The following RABGAP1 variants were observed in gnomAD, a reference collection of about 807,000 sequenced individuals.
The protein encoded by RABGAP1 is RAB GTPase activating protein 1, also known as rab GTPase-activating protein 1.
In RABGAP1, 23 loss-of-function variants were observed where a neutral mutation model predicts 137.6. The ratio of observed to expected loss-of-function variants is 0.17; its 90% CI spans 0.12 to 0.24. The LOEUF (loss-of-function observed/expected upper bound fraction) is 0.24. Among genes scored for constraint, RABGAP1 ranks in the 10% least tolerant of loss-of-function variants. RABGAP1 has a pLI of 1.00. For synonymous variants in RABGAP1, 451 were observed against 450.7 expected, an observed-to-expected ratio of 1.00 and a Z score of -0.01; for missense variants, 906 against 1,275.8, an observed-to-expected ratio of 0.71 and a Z score of 4.42.
At position 123,061,681 on chromosome 9, in the gene RABGAP1, CAAACAAAACA is replaced by C. The variant is rs539339294; in HGVS notation, c.1795-3650_1795-3641del. On this transcript the variant is annotated intron_variant, in intron 13 of 25. Transcript: ENST00000373647. The stretch of plus-strand genomic sequence containing the variant: ...TAGCCAAAACACAAAACCAGTTGAT[CAAACAAAACA>C]AAACAAAACAAAACAACCCACCTCT... Among the ~76,000 whole-genome samples, 27 of 152,208 alleles carry C rather than the reference CAAACAAAACA, an allele frequency of 1.8e-4. No homozygotes were observed. The East Asian group carries it at 4.4e-3, about 25-fold the overall frequency.
chr9:123,005,316 A>G (rs1435572451), intron 10 of RABGAP1, among the ~76,000 whole-genome samples: 1 of 149,110 alleles, frequency 6.7e-6, no homozygotes, highest in African/African-American at 2.5e-5. Flanking sequence ...TTTTTTGAAT[A>G]TATAAAATAC....
At chr9:122,949,711 A>AAAAG (rs397950624) in intron 1 of RABGAP1, among the ~76,000 whole-genome samples, 1 of 148,900 alleles carries the variant, frequency 6.7e-6, no homozygotes, top group African/African-American at 2.5e-5. Flanking sequence ...AAAAAAAAAA[A>AAAAG]GGAAAAAAAA....
rs1834565789 is a variant in RABGAP1, at chr9:122,957,042, G to A, written c.-18G>A. The A allele has an allele frequency of 6.8e-7, 1 of 1,480,442 alleles. No homozygotes were observed. Among genetic ancestry groups the A allele is most frequent in the African/African-American group, 1.4e-5 (1 of 72,826 alleles). 91.7% of individuals were successfully genotyped at this position (1,480,442 alleles called of 1,614,324 possible). On this transcript the variant is annotated 5_prime_UTR_variant, in exon 2 of 26. An upstream open reading frame in the 5' UTR loses its in-frame stop. Coordinates refer to ENST00000373647, the MANE Select transcript of RABGAP1 (RefSeq NM_012197.4). Reference sequence around the variant, plus strand: ...AAAAATATTTAATCATTCATGTGTTGAGACTCATTCTTGAGTTATGGATGA... The same window carrying A: ...AAAAATATTTAATCATTCATGTGTTAAGACTCATTCTTGAGTTATGGATGA...
At chr9:123,072,618 C>G (rs2034390871) in intron 15 of RABGAP1, among the ~76,000 whole-genome samples, 1 of 152,208 alleles carries the variant, frequency 6.6e-6, no homozygotes, top group South Asian at 2.1e-4. Context: ...CATCTCCTTG[C>G]ATGTGGCAAA....
At chr9:123,035,212 C>T (rs1055452356) in intron 13 of RABGAP1, 18 of 1,614,020 alleles carry the variant, frequency 1.1e-5, no homozygotes, top group Admixed American at 1.7e-5. Context: ...CAACATCTTC[C>T]GCATCTGCCA....
rs140620911 is a variant in RABGAP1, at chr9:122,958,565, A to T, written c.150+1356A>T. ...CGTGGGGTGGGGGGAGCAGGGAGGG[A>T]TAGCATTAGGAGAAATACCTAATGT... On this transcript the variant is annotated intron_variant, in intron 2 of 25. Transcript: ENST00000373647. Among the ~76,000 whole-genome samples, 410 of 152,186 alleles carry T rather than the reference A, an allele frequency of 2.7e-3. 2 individuals carry two copies. The highest frequency in any genetic ancestry group is 9.4e-3 in the African/African-American group (392 of 41,504).
intron 10 of RABGAP1, among the ~76,000 whole-genome samples, chr9:123,008,339 C>T (rs190133677): frequency 1.8e-3 from 267 of 151,924 alleles, no homozygotes; most frequent in Admixed American, 3.8e-3. Context: ...GCAGGTAAAT[C>T]GTGAGACCAG....
intron 3 of RABGAP1, among the ~76,000 whole-genome samples, chr9:122,985,262 C>A (rs930180908): frequency 2.0e-5 from 3 of 152,168 alleles, no homozygotes; most frequent in African/African-American, 7.2e-5. Context: ...ATTAAGAGAA[C>A]ATAATGAAGT....
At chr9:123,066,994 T>G (rs1372060999) in intron 14 of RABGAP1, among the ~76,000 whole-genome samples, 1 of 152,204 alleles carries the variant, frequency 6.6e-6, no homozygotes, top group African/African-American at 2.4e-5. Context: ...AAACAAATCT[T>G]AGACATCATG....
Position 122,988,906 on chromosome 9 carries a change from G to A in RABGAP1, c.591-391G>A, listed in dbSNP as rs1028511747. 2.0e-5 allele frequency among the ~76,000 whole-genome samples: 3 copies of A among 147,334 alleles called. No individual in the cohort carries two copies. The Admixed American group carries it at 2.1e-4, about 10-fold the overall frequency. On this transcript the variant is annotated intron_variant, in intron 4 of 25. Transcript: ENST00000373647. ...TGCGGTGAGCTGAGATTGCGCCATT[G>A]CACTCCAGCCTGGGCAACAAGAGCG... is the stretch of plus-strand genomic sequence containing the variant.
intron 2 of RABGAP1, among the ~76,000 whole-genome samples, chr9:122,981,245 C>T (rs1053953759): frequency 2.6e-5 from 4 of 152,022 alleles, no homozygotes; most frequent in African/African-American, 4.8e-5. Flanking sequence ...AGGCTGGTCT[C>T]GAACTCCTGG....
intron 13 of RABGAP1, among the ~76,000 whole-genome samples, chr9:123,059,893 C>G (rs2033900427): frequency 6.6e-6 from 1 of 152,236 alleles, no homozygotes; most frequent in African/African-American, 2.4e-5. Context: ...CCCAAAGCGA[C>G]TAAGACAATC....
chr9:123,044,479 C>A (rs900958989), intron 13 of RABGAP1, among the ~76,000 whole-genome samples: 1 of 152,078 alleles, frequency 6.6e-6, no homozygotes, highest in South Asian at 2.1e-4. Flanking sequence ...TTTTTGGTTT[C>A]CAGTCTGCTG....
chr9:122,996,860 G>A (rs1276647042), intron 8 of RABGAP1: 2 of 459,654 alleles, frequency 4.4e-6, no homozygotes, highest in African/African-American at 2.0e-5. Flanking sequence ...CAGTTGATGT[G>A]ATAATCAAAA....
In RABGAP1 at chr9:122,947,676, G is replaced by A. The variant is rs78788985; in HGVS notation, c.-50+6583G>A. On this transcript the variant is annotated intron_variant, in intron 1 of 25. Transcript: ENST00000373647. The stretch of plus-strand genomic sequence containing the variant: ...ACGGTAGGCTCAAATTTGCCTAAGC[G>A]TGAGTTTTAGATAAGCTAGTTTTTC... Among the ~76,000 whole-genome samples the A allele has an allele frequency of 3.8e-3, 582 of 152,258 alleles. 18 individuals are homozygous for A. The highest frequency in any genetic ancestry group is 0.037 in the East Asian group (193 of 5,184).
At chr9:122,981,093 A>G (rs2131729782) in intron 2 of RABGAP1, among the ~76,000 whole-genome samples, 1 of 152,220 alleles carries the variant, frequency 6.6e-6, no homozygotes, top group South Asian at 2.1e-4. Context: ...GCTGGAGTGC[A>G]GTGGCGCGAT....
intron 14 of RABGAP1, among the ~76,000 whole-genome samples, chr9:123,067,226 T>G (rs1185477894): frequency 3.9e-5 from 6 of 152,238 alleles, no homozygotes; most frequent in Non-Finnish European, 8.8e-5. Flanking sequence ...CTGTTGGTTT[T>G]CAGTCCTGTC....
chr9:123,005,046 A>G (rs1276035932), intron 10 of RABGAP1, among the ~76,000 whole-genome samples: 1 of 126,744 alleles, frequency 7.9e-6, no homozygotes, highest in East Asian at 2.1e-4. Context: ...ACAAGAGTGA[A>G]ACTCCATCTC....
Position 123,051,216 on chromosome 9 carries a change from G to GTTTTTT in RABGAP1, c.1795-14089_1795-14084dup, listed in dbSNP as rs552457119. Among the ~76,000 whole-genome samples, 9 of 34,276 alleles carry GTTTTTT rather than the reference G, an allele frequency of 2.6e-4. 3 individuals carry two copies. The highest frequency in any genetic ancestry group is 3.9e-4 in the Non-Finnish European group (7 of 17,834). The allele number at this position is 34,276 out of a possible 152,430, so 22.5% of individuals were successfully genotyped here. ...ACATGTTGTGATTTTATTCACCTTG[G>GTTTTTT]TTTTTTTTTTTTTTTTTTTTTTTTT... On this transcript the variant is annotated intron_variant, in intron 13 of 25. Coordinates refer to ENST00000373647, the MANE Select transcript of RABGAP1 (RefSeq NM_012197.4).
Sources: gnomAD v4.1 joint callset for allele counts (sites outside exome capture counted in the v4.1 genomes callset) on GRCh38, gnomAD v4.1.1 for gene constraint, MANE v1.5 for transcripts, NCBI Gene and HGNC (gene_info 2026-07-23, HGNC 2026-07-21) for gene names.